The following ATP10D variants were observed in gnomAD, a reference collection of about 807,000 sequenced individuals.
ATP10D encodes the protein phospholipid-transporting ATPase VD.
In ATP10D, 89 loss-of-function variants were observed where a neutral mutation model predicts 144.8. The observed-to-expected ratio is 0.61, with a 90% CI of 0.52 to 0.73. The LOEUF (loss-of-function observed/expected upper bound fraction) is 0.73, where lower values mean the gene tolerates loss of function less well. ATP10D is among the 30% of genes least tolerant of loss of function. ATP10D has a pLI of 0.00. For synonymous variants in ATP10D, 571 were observed against 615.1 expected, an observed-to-expected ratio of 0.93 and a Z score of 1.06; for missense variants, 1,603 against 1,714.8, an observed-to-expected ratio of 0.93 and a Z score of 1.15.
At chr4:47,500,512 C>G (rs533429108) in intron 1 of ATP10D, among the ~76,000 whole-genome samples, 2 of 152,282 alleles carry the variant, frequency 1.3e-5, no homozygotes, top group South Asian at 4.1e-4. Context: ...AGGGAAGAGT[C>G]AACAGAATTT....
chr4:47,569,725 G>A (rs1265357744), intron 16 of ATP10D, among the ~76,000 whole-genome samples: 1 of 152,208 alleles, frequency 6.6e-6, no homozygotes, highest in Admixed American at 6.5e-5. Context: ...GACACGTAGA[G>A]CACTGGAGAT....
chr4:47,516,832 T>C (rs1471083986), intron 3 of ATP10D, among the ~76,000 whole-genome samples: 1 of 152,230 alleles, frequency 6.6e-6, no homozygotes, highest in African/African-American at 2.4e-5. Context: ...AATGAAATAA[T>C]GGTATAAGTC....
chr4:47,494,258 G>A (rs1230543823), intron 1 of ATP10D, among the ~76,000 whole-genome samples: 1 of 152,096 alleles, frequency 6.6e-6, no homozygotes, highest in Non-Finnish European at 1.5e-5. Flanking sequence ...TGTATTTGGG[G>A]ATAATGATTG....
In ATP10D at chr4:47,572,885, G is replaced by A. The variant is rs1463943693; in HGVS notation, c.3254G>A (p.Ser1085Asn). ...TTGCATCTGCAGGCTGTGATGGCCAGTGACTTTGCCGTTTCTCAGTTCAAA... is the reference window on the plus strand; with the variant it reads ...TTGCATCTGCAGGCTGTGATGGCCAATGACTTTGCCGTTTCTCAGTTCAAA... The part of the protein sequence containing the change: ...GQEGMQAVMA[S>N]DFAVSQFKHL... Residue 1085 changes from serine to asparagine, a missense_variant, in exon 18 of 23, where the codon AGT (serine) becomes AAT (asparagine). Ser to Asn is a conservative substitution (Grantham distance 46). Coordinates refer to ENST00000273859, the MANE Select transcript of ATP10D (RefSeq NM_020453.4). 26 of 1,614,156 alleles carry A rather than the reference G, an allele frequency of 1.6e-5. No individual in the cohort carries two copies. The highest frequency in any genetic ancestry group is 2.2e-5 in the Non-Finnish European group (26 of 1,180,028).
Position 47,523,049 on chromosome 4 carries a change from G to T in ATP10D, c.523G>T (p.Val175Phe). ...KKYIDRCWKD[V>F]TVGDFIRLSC... The stretch of plus-strand genomic sequence containing the variant: ...ATACATTGACCGATGCTGGAAAGAC[G>T]TTACTGTTGGGGACTTTATTCGCCT... The change falls in exon 4 of 23, where the codon GTT becomes TTT. Residue 175 changes from valine (V) to phenylalanine (F), a missense_variant. By Grantham distance (50) the Val-to-Phe change is conservative (BLOSUM62 -1). Coordinates refer to ENST00000273859, the MANE Select transcript of ATP10D (RefSeq NM_020453.4). 6.2e-7 allele frequency: 1 copy of T among 1,613,034 alleles called. No homozygotes were observed. Among genetic ancestry groups the T allele is most frequent in the Non-Finnish European group, 8.5e-7 (1 of 1,179,718 alleles).
intron 5 of ATP10D, among the ~76,000 whole-genome samples, chr4:47,530,808 A>G (rs1393269729): frequency 6.6e-6 from 1 of 152,142 alleles, no homozygotes; most frequent in Non-Finnish European, 1.5e-5. Context: ...ATTGATTTGT[A>G]TATGTTAAAC....
At chr4:47,500,866 G>A (rs1715645691) in intron 1 of ATP10D, among the ~76,000 whole-genome samples, 2 of 152,168 alleles carry the variant, frequency 1.3e-5, no homozygotes, top group African/African-American at 4.8e-5. Context: ...GAAAGGAAAG[G>A]GTATGAAACA....
At chr4:47,502,610 T>C (rs1400446372) in intron 1 of ATP10D, among the ~76,000 whole-genome samples, 2 of 148,496 alleles carry the variant, frequency 1.3e-5, no homozygotes, top group East Asian at 3.9e-4. Context: ...GTTTTTCTTT[T>C]ATATACGATA....
At chr4:47,540,965 A>G (rs752537771) in intron 9 of ATP10D, among the ~76,000 whole-genome samples, 4 of 152,198 alleles carry the variant, frequency 2.6e-5, no homozygotes, top group Non-Finnish European at 4.4e-5. Flanking sequence ...TCTGATTTAC[A>G]TGGAGGCAGT....
intron 15 of ATP10D, among the ~76,000 whole-genome samples, chr4:47,567,550 A>G (rs1719706028): frequency 6.6e-6 from 1 of 152,174 alleles, no homozygotes; most frequent in Non-Finnish European, 1.5e-5. Context: ...ACACAATCTG[A>G]TGTTAATGTT....
chr4:47,493,498 A>G (rs145721735), intron 1 of ATP10D, among the ~76,000 whole-genome samples: 5 of 152,356 alleles, frequency 3.3e-5, no homozygotes, highest in African/African-American at 1.2e-4. Context: ...GTATGCTAAT[A>G]TAAGTGTTCT....
At chr4:47,572,416 G>A (rs548874359) in intron 17 of ATP10D, among the ~76,000 whole-genome samples, 186 bp downstream of exon 17, 12 of 151,984 alleles carry the variant, frequency 7.9e-5, no homozygotes, top group African/African-American at 2.7e-4. Flanking sequence ...GCATTTTCCT[G>A]GGTAATTTTA....
chr4:47,545,438 G>T (rs902402416), intron 9 of ATP10D, among the ~76,000 whole-genome samples: 2 of 152,200 alleles, frequency 1.3e-5, no homozygotes, highest in Non-Finnish European at 2.9e-5. Flanking sequence ...AAAATGGATT[G>T]CAGAGGGGCA....
intron 20 of ATP10D, among the ~76,000 whole-genome samples, chr4:47,580,718 A>G (rs900894900): frequency 6.6e-6 from 1 of 152,196 alleles, no homozygotes; most frequent in African/African-American, 2.4e-5. Context: ...AAAAATTTTT[A>G]TCAATGACTT....
chr4:47,490,146 C>T (rs1187411020), intron 1 of ATP10D, among the ~76,000 whole-genome samples: 1 of 152,120 alleles, frequency 6.6e-6, no homozygotes, highest in Non-Finnish European at 1.5e-5. Flanking sequence ...TTTAAACTTT[C>T]ATTTCCCCTT....
In ATP10D at chr4:47,536,669, T is replaced by G; in HGVS notation, c.1144-17T>G. The G allele has an allele frequency of 6.3e-7, 1 of 1,598,414 alleles. No individual in the cohort carries two copies. Among genetic ancestry groups the G allele is most frequent in the Non-Finnish European group, 8.5e-7 (1 of 1,173,152 alleles). On this transcript the variant is annotated splice_polypyrimidine_tract_variant and intron_variant, in intron 8 of 22. Transcript: ENST00000273859. ...TAACCTACGTTAACATTTTAAAACT[T>G]GTTTGGATCTTCTTAGGTCTTGATT... is the stretch of plus-strand genomic sequence containing the variant.
chr4:47,503,979 C>T (rs540788200), intron 1 of ATP10D, among the ~76,000 whole-genome samples: 2 of 151,982 alleles, frequency 1.3e-5, no homozygotes, highest in African/African-American at 4.8e-5. Flanking sequence ...ACATATTACC[C>T]TTGCCTGACT....
At chr4:47,573,057 A>T (rs1437841545) in intron 18 of ATP10D, 60 bp downstream of exon 18, 6 of 1,577,356 alleles carry the variant, frequency 3.8e-6, no homozygotes, top group Admixed American at 1.7e-5. Flanking sequence ...CTGTTGCATC[A>T]GGGATGAAGA....
chr4:47,536,650 A>G (rs1476046970), intron 8 of ATP10D, 36 bp from the exon 9 acceptor site: 2 of 1,597,456 alleles, frequency 1.3e-6, no homozygotes, highest in South Asian at 2.3e-5. Flanking sequence ...TTTTTAACCT[A>G]CGTTAACATT....
Sources: gnomAD v4.1 joint callset for allele counts (sites outside exome capture counted in the v4.1 genomes callset) on GRCh38, gnomAD v4.1.1 for gene constraint, MANE v1.5 for transcripts, NCBI Gene and HGNC (gene_info 2026-07-23, HGNC 2026-07-21) for gene names.